The following RMDN2 variants were observed in gnomAD, a reference collection of about 807,000 sequenced individuals.
RMDN2 encodes regulator of microtubule dynamics protein 2.
A neutral mutation model predicts 52.8 loss-of-function variants in RMDN2; 61 were observed. The observed-to-expected ratio is 1.16, with a 90% confidence interval of 0.94 to 1.43. The LOEUF is 1.43. Ranked by LOEUF, RMDN2 falls within the 40% of genes most tolerant of loss-of-function variation. The pLI is 0.00. For missense variants in RMDN2, 592 were observed against 475.3 expected (o/e 1.25, Z -2.28); for synonymous variants, 180 against 153.1 (o/e 1.18, Z -1.30).
At chr2:38,063,846 T>C (rs1291198948) in intron 10 of RMDN2, among the ~76,000 whole-genome samples, 1 of 152,256 alleles carries the variant, frequency 6.6e-6, no homozygotes, top group Non-Finnish European at 1.5e-5. Context: ...GTATATGTTA[T>C]CAGTTTTGTC....
chr2:38,019,646 A>G (rs1280015722), downstream of RMDN2, among the ~76,000 whole-genome samples: 1 of 152,204 alleles, frequency 6.6e-6, no homozygotes, highest in Non-Finnish European at 1.5e-5. Context: ...TCATACTGTC[A>G]TATCTGTATT....
chr2:37,992,343 C>G (rs1485785174), intron 7 of RMDN2, among the ~76,000 whole-genome samples: 1 of 152,126 alleles, frequency 6.6e-6, no homozygotes. Flanking sequence ...CTGTTTTTCT[C>G]TTTTTTTCCT....
intron 2 of RMDN2, among the ~76,000 whole-genome samples, chr2:37,946,867 T>C (rs1668263874): frequency 6.6e-6 from 1 of 152,182 alleles, no homozygotes; most frequent in Admixed American, 6.5e-5. Flanking sequence ...AATTATCTAG[T>C]GTTGCTAGAA....
At chr2:38,002,144 A>G (rs1441681307) in intron 8 of RMDN2, among the ~76,000 whole-genome samples, 1 of 152,140 alleles carries the variant, frequency 6.6e-6, no homozygotes, top group Non-Finnish European at 1.5e-5. Context: ...TTTACAAGGG[A>G]TGTGCCCTTA....
chr2:38,015,512 C>A (rs1006504664), intron 10 of RMDN2, among the ~76,000 whole-genome samples: 1 of 147,444 alleles, frequency 6.8e-6, no homozygotes, highest in East Asian at 2.0e-4. Context: ...TTGCAGTAGG[C>A]GGAGATTGCG....
downstream of RMDN2, among the ~76,000 whole-genome samples, chr2:38,018,532 C>G (rs1679088637): frequency 6.6e-6 from 1 of 152,154 alleles, no homozygotes; most frequent in Non-Finnish European, 1.5e-5. Context: ...AATCGAATAA[C>G]ATTTTGACAT....
Position 38,017,621 on chromosome 2 carries a change from GA to G in RMDN2, c.*386del. On this transcript the variant is annotated 3_prime_UTR_variant, in exon 11 of 11. Coordinates refer to ENST00000354545, the MANE Select transcript of RMDN2 (RefSeq NM_001170791.3). ...ATTTCATTAATGTGGATGAAAAATG[GA>G]AAACTCAGCAAAGGACATGAACAAG... 1 of 1,206,852 alleles carries G rather than the reference GA, an allele frequency of 8.3e-7. No homozygotes were observed. The allele number at this position is 1,206,852 out of a possible 1,614,324, so 74.8% of individuals were successfully genotyped here.
intron 10 of RMDN2, chr2:38,030,019 A>G (rs1463327313): frequency 6.6e-6 from 1 of 152,106 alleles, no homozygotes; most frequent in Non-Finnish European, 1.5e-5. Context: ...CGAGAACAGT[A>G]TGGGGGAAAC....
At chr2:37,984,699 A>G (rs1673767868) in intron 5 of RMDN2, among the ~76,000 whole-genome samples, 1 of 152,216 alleles carries the variant, frequency 6.6e-6, no homozygotes, top group Non-Finnish European at 1.5e-5. Flanking sequence ...ATGATAGTCA[A>G]TGATTAAGGA....
At chr2:37,968,038 C>G (rs1009453399) in intron 2 of RMDN2, among the ~76,000 whole-genome samples, 3 of 152,000 alleles carry the variant, frequency 2.0e-5, no homozygotes, top group Admixed American at 6.6e-5. Flanking sequence ...TTGAAGTCCC[C>G]TCATACTTAC....
At chr2:37,936,705 C>G (rs775916471) in intron 2 of RMDN2, among the ~76,000 whole-genome samples, 15 of 152,284 alleles carry the variant, frequency 9.9e-5, no homozygotes, top group Admixed American at 6.5e-5. Context: ...TGAAAAGTGT[C>G]TGTTTATATC....
intron 10 of RMDN2, among the ~76,000 whole-genome samples, chr2:38,061,055 C>T (rs754808177): frequency 6.6e-6 from 1 of 152,082 alleles, no homozygotes; most frequent in South Asian, 2.1e-4. Flanking sequence ...AATCATCAGG[C>T]CATTTTAAAT....
In RMDN2 at chr2:37,929,716, G is replaced by C; in HGVS notation, c.439G>C (p.Glu147Gln). Residue 147 changes from glutamate (E) to glutamine (Q), a missense_variant, in exon 2 of 11, where the codon GAA becomes CAA. Coordinates refer to ENST00000354545, the MANE Select transcript of RMDN2 (RefSeq NM_001170791.3). ...AACAAGTAATAGTTCAGAGGAAGCAGAAAGTGAAGGAGGGTAAGTTTCTTT... is the reference window on the plus strand; with the variant it reads ...AACAAGTAATAGTTCAGAGGAAGCACAAAGTGAAGGAGGGTAAGTTTCTTT... ...SATSNSSEEA[E>Q]SEGGYITANT... 6.6e-7 allele frequency: 1 copy of C among 1,507,598 alleles called. No homozygotes were observed. The highest frequency in any genetic ancestry group is 1.3e-5 in the South Asian group (1 of 76,076). The allele number at this position is 1,507,598 out of a possible 1,614,324, so 93.4% of individuals were successfully genotyped here.
chr2:37,925,007 C>T (rs1032511108), upstream of RMDN2, among the ~76,000 whole-genome samples: 20 of 152,252 alleles, frequency 1.3e-4, no homozygotes, highest in African/African-American at 4.8e-4. Flanking sequence ...AGCGAGCTGG[C>T]GGTGGGCGTG....
At position 38,017,618 on chromosome 2, in the gene RMDN2, A is replaced by G; in HGVS notation, c.*379A>G. 1 of 1,213,706 alleles carries G rather than the reference A, an allele frequency of 8.2e-7. No homozygotes were observed. The highest frequency in any genetic ancestry group is 1.4e-5 in the South Asian group (1 of 72,546). 75.2% of individuals were successfully genotyped at this position (1,213,706 alleles called of 1,614,324 possible). Reference sequence around the variant, plus strand: ...ATAATTTCATTAATGTGGATGAAAAATGGAAAACTCAGCAAAGGACATGAA... The same window carrying G: ...ATAATTTCATTAATGTGGATGAAAAGTGGAAAACTCAGCAAAGGACATGAA... On this transcript the variant is annotated 3_prime_UTR_variant, in exon 11 of 11. Transcript: ENST00000354545.
chr2:37,929,842 A>C (rs1666577600), intron 2 of RMDN2, 113 bp downstream of exon 2: 4 of 675,628 alleles, frequency 5.9e-6, no homozygotes, highest in Non-Finnish European at 9.6e-6. Context: ...ACATAAAATG[A>C]AAAGGAGTGA....
At chr2:37,996,341 T>C (rs1265013941) in intron 7 of RMDN2, among the ~76,000 whole-genome samples, 1 of 152,118 alleles carries the variant, frequency 6.6e-6, no homozygotes, top group Non-Finnish European at 1.5e-5. Context: ...TCCTAGCACT[T>C]TGAGAGTCTG....
intron 2 of RMDN2, among the ~76,000 whole-genome samples, chr2:37,939,205 T>C (rs977690322): frequency 5.9e-5 from 9 of 152,208 alleles, no homozygotes; most frequent in Admixed American, 2.6e-4. Context: ...TTGTGCAGTT[T>C]TGAGTGAGTT....
At chr2:38,031,256 C>CTTTTTTTTTTTTTTT (rs552306141) in intron 10 of RMDN2, among the ~76,000 whole-genome samples, 1 of 105,858 alleles carries the variant, frequency 9.4e-6, no homozygotes, top group Non-Finnish European at 1.8e-5. Context: ...CTTTGTTTCC[C>CTTTTTTTTTTTTTTT]TTTTTTTTTT....
Sources: gnomAD v4.1 joint callset for allele counts (sites outside exome capture counted in the v4.1 genomes callset) on GRCh38, gnomAD v4.1.1 for gene constraint, MANE v1.5 for transcripts, NCBI Gene and HGNC (gene_info 2026-07-23, HGNC 2026-07-21) for gene names.